Variants in KCNAB1 observed in about 807,000 individuals in gnomAD.
KCNAB1 encodes the protein potassium voltage-gated channel subfamily A regulatory beta subunit 1, also known as voltage-gated potassium channel subunit beta-1.
A neutral mutation model predicts 64.6 loss-of-function variants in KCNAB1; 35 were observed. The observed-to-expected ratio is 0.54, with a 90% CI of 0.41 to 0.72. The LOEUF (loss-of-function observed/expected upper bound fraction) is 0.72, where lower values mean the gene tolerates loss of function less well. Among genes scored for constraint, KCNAB1 ranks in the 30% least tolerant of loss-of-function variants. The pLI is 0.00. For missense variants in KCNAB1, 401 were observed against 512.9 expected, an observed-to-expected ratio of 0.78 and a Z score of 2.11; for synonymous variants, 177 against 183.8, an observed-to-expected ratio of 0.96 and a Z score of 0.30.
At chr3:156,199,875 T>C (rs1714210896) in intron 1 of KCNAB1, among the ~76,000 whole-genome samples, 1 of 152,222 alleles carries the variant, frequency 6.6e-6, no homozygotes, top group Non-Finnish European at 1.5e-5. Context: ...AGAGAAGTTG[T>C]GATCCTTTGG....
At chr3:156,143,178 C>T (rs1402932404) in intron 1 of KCNAB1, 5 of 1,584,302 alleles carry the variant, frequency 3.2e-6, no homozygotes, top group Non-Finnish European at 4.3e-6. Flanking sequence ...GTTTTTGAAA[C>T]ATGCATCTGT....
intron 1 of KCNAB1, among the ~76,000 whole-genome samples, chr3:156,212,244 G>A (rs1431313749): frequency 6.6e-6 from 1 of 152,160 alleles, no homozygotes; most frequent in Non-Finnish European, 1.5e-5. Context: ...GAACACTCAA[G>A]TCCAAGCAGA....
rs991861800 is a variant in KCNAB1, at chr3:156,436,268, A to G, written c.319+14609A>G. Among the ~76,000 whole-genome samples, 2 of 152,218 alleles carry G rather than the reference A, an allele frequency of 1.3e-5. 1 individual carries two copies. Among genetic ancestry groups the G allele is most frequent in the Admixed American group, 1.3e-4 (2 of 15,286 alleles). ...ATCTCATTCCTTTTTATGGCTGCAT[A>G]GTATTCCATGGTATATATATACCAG... is the stretch of plus-strand genomic sequence containing the variant. On this transcript the variant is annotated intron_variant, in intron 2 of 13. Coordinates refer to ENST00000490337, the MANE Select transcript of KCNAB1 (RefSeq NM_172160.3).
chr3:156,120,416 C>T (rs556594405), upstream of KCNAB1: 73 of 667,594 alleles, frequency 1.1e-4, no homozygotes, highest in African/African-American at 1.3e-3. Flanking sequence ...TATTGGCCAG[C>T]TTACCTCTTC....
chr3:156,162,956 T>C (rs2108312614), intron 1 of KCNAB1, among the ~76,000 whole-genome samples: 1 of 152,226 alleles, frequency 6.6e-6, no homozygotes, highest in Non-Finnish European at 1.5e-5. Flanking sequence ...TCACAAAACT[T>C]TGGTGCTCTG....
chr3:156,146,570 C>G (rs544249185), intron 1 of KCNAB1, among the ~76,000 whole-genome samples: 2 of 152,282 alleles, frequency 1.3e-5, no homozygotes, highest in South Asian at 4.1e-4. Context: ...AAATGAAGCT[C>G]TAATCCAGGG....
At chr3:156,337,353 T>C (rs1723781869) in intron 1 of KCNAB1, among the ~76,000 whole-genome samples, 1 of 152,212 alleles carries the variant, frequency 6.6e-6, no homozygotes, top group Admixed American at 6.5e-5. Context: ...AGCTAAATAA[T>C]AATGGTTTGA....
At chr3:156,248,099 T>C (rs1380263553) in intron 1 of KCNAB1, among the ~76,000 whole-genome samples, 1 of 152,218 alleles carries the variant, frequency 6.6e-6, no homozygotes, top group East Asian at 1.9e-4. Context: ...GAAGACTTTG[T>C]CCCTCCTGTT....
chr3:156,409,992 C>A (rs1714528869), intron 1 of KCNAB1, among the ~76,000 whole-genome samples: 1 of 152,144 alleles, frequency 6.6e-6, no homozygotes, highest in African/African-American at 2.4e-5. Flanking sequence ...GCTCTTGATG[C>A]ATCTTAGTAG....
rs1712200742 is a variant in KCNAB1, at chr3:156,453,947, C to G, written c.357+1011C>G. ...GTAAAGTGCTTAGTGGGGTACCTGG[C>G]CCAGAATAAGCCCTTTACAAAGGTA... On this transcript the variant is annotated intron_variant, in intron 3 of 13. Coordinates refer to ENST00000490337, the MANE Select transcript of KCNAB1 (RefSeq NM_172160.3). Among the ~76,000 whole-genome samples the G allele has an allele frequency of 2.0e-5, 3 of 152,200 alleles. No individual in the cohort carries two copies. In the South Asian group the frequency reaches 6.2e-4, roughly 31 times the overall value.
intron 1 of KCNAB1, among the ~76,000 whole-genome samples, chr3:156,281,255 G>A (rs936530149): frequency 5.3e-4 from 80 of 151,074 alleles, no homozygotes; most frequent in African/African-American, 1.8e-3. Flanking sequence ...CTGTTTATAT[G>A]CTGGATTACA....
At chr3:156,175,181 T>C (rs946458216) in intron 1 of KCNAB1, among the ~76,000 whole-genome samples, 2 of 152,120 alleles carry the variant, frequency 1.3e-5, no homozygotes, top group Non-Finnish European at 2.9e-5. Context: ...ATACAAATGT[T>C]TTTAATACAA....
chr3:156,425,095 C>T (rs970557797), intron 2 of KCNAB1, among the ~76,000 whole-genome samples: 4 of 152,172 alleles, frequency 2.6e-5, no homozygotes, highest in African/African-American at 9.7e-5. Flanking sequence ...TCTGCAGACC[C>T]CAGCTGTCAA....
rs572709500 is a variant in KCNAB1 at position 156,523,284 on chromosome 3, G to A, written c.961-543G>A. 2.6e-5 allele frequency among the ~76,000 whole-genome samples: 4 copies of A among 152,268 alleles called. No individual in the cohort carries two copies. The East Asian group carries it at 7.7e-4, about 29-fold the overall frequency. On this transcript the variant is annotated intron_variant, in intron 11 of 13. Coordinates refer to ENST00000490337, the MANE Select transcript of KCNAB1 (RefSeq NM_172160.3). ...ATGCCATGTCTGCTTCTAGGAAGAA[G>A]CTGCAGAAGCTAACAACAAAGCCCC...
intron 1 of KCNAB1, among the ~76,000 whole-genome samples, chr3:156,265,469 A>G (rs1469398570): frequency 2.0e-5 from 3 of 152,024 alleles, no homozygotes; most frequent in African/African-American, 7.2e-5. Context: ...CATTTTCACC[A>G]TGAGTGTGGT....
chr3:156,443,779 CACTA>C (rs1268618931), intron 2 of KCNAB1, among the ~76,000 whole-genome samples: 8 of 145,350 alleles, frequency 5.5e-5, no homozygotes, highest in African/African-American at 1.9e-4. Context: ...CACACACACA[CACTA>C]TTCTTTACTT....
chr3:156,128,989 C>A (rs1713826455), intron 1 of KCNAB1, among the ~76,000 whole-genome samples: 1 of 151,976 alleles, frequency 6.6e-6, no homozygotes, highest in African/African-American at 2.4e-5. Context: ...CTATTTCTTT[C>A]ATCTCCTTCA....
chr3:156,475,549 C>A (rs539503986), intron 8 of KCNAB1, among the ~76,000 whole-genome samples: 1 of 152,154 alleles, frequency 6.6e-6, no homozygotes, highest in East Asian at 1.9e-4. Context: ...TTATCACTTA[C>A]CTGAGGTGAT....
chr3:156,328,161 G>A (rs1723100328), intron 1 of KCNAB1, among the ~76,000 whole-genome samples: 1 of 152,150 alleles, frequency 6.6e-6, no homozygotes, highest in African/African-American at 2.4e-5. Flanking sequence ...TCAGGGAGCT[G>A]CATGTCGTTT....
Sources: gnomAD v4.1 joint callset for allele counts (sites outside exome capture counted in the v4.1 genomes callset) on GRCh38, gnomAD v4.1.1 for gene constraint, MANE v1.5 for transcripts, NCBI Gene and HGNC (gene_info 2026-07-23, HGNC 2026-07-21) for gene names.